Variants in RBM22 observed in about 807,000 individuals in gnomAD.
RBM22 encodes RNA binding motif protein 22, also known as pre-mRNA-splicing factor RBM22.
In RBM22, 1 loss-of-function variant was observed where a neutral mutation model predicts 50.1. That is an observed-to-expected ratio of 0.02 (90% CI 0.01 to 0.09). The LOEUF (loss-of-function observed/expected upper bound fraction) is 0.09. Among genes scored for constraint, RBM22 ranks in the 10% least tolerant of loss-of-function variants. RBM22 has a pLI of 1.00. For missense variants in RBM22, 264 were observed against 529.3 expected (o/e 0.50, Z 4.92); for synonymous variants, 152 against 179.0 (o/e 0.85, Z 1.20).
chr5:150,692,019 A>G, intron 10 of RBM22, 138 bp from the exon 11 acceptor site: 1 of 994,312 alleles, frequency 1.0e-6, no homozygotes, highest in Non-Finnish European at 1.4e-6. Context: ...TCAGTTCACA[A>G]ACTTACTTCC....
At chr5:150,700,298 A>G (rs1759329043) in intron 2 of RBM22, 146 bp downstream of exon 2, 2 of 727,122 alleles carry the variant, frequency 2.8e-6, no homozygotes, top group Non-Finnish European at 4.6e-6. Flanking sequence ...GAGAATACAC[A>G]TGACAGTTCT....
chr5:150,698,061 G>T (rs184317410), intron 4 of RBM22, among the ~76,000 whole-genome samples: 18 of 152,244 alleles, frequency 1.2e-4, no homozygotes, highest in African/African-American at 4.3e-4. Flanking sequence ...GTTCGAAGTT[G>T]CAGTGAGCTG....
At chr5:150,700,552 C>T (rs1409179738) in intron 1 of RBM22, 55 bp from the exon 2 acceptor site, 4 of 1,612,542 alleles carry the variant, frequency 2.5e-6, no homozygotes, top group Non-Finnish European at 3.4e-6. Context: ...CCTGACACCT[C>T]AGTGACACTT....
Position 150,691,207 on chromosome 5 carries a change from GGA to G in RBM22, c.*542_*543del, listed in dbSNP as rs1759203373. 6.6e-6 allele frequency: 1 copy of G among 152,408 alleles called. No homozygotes were observed. Among genetic ancestry groups the G allele is most frequent in the African/African-American group, 2.4e-5 (1 of 41,548 alleles). The allele number at this position is 152,408 out of a possible 1,614,324, so 9.4% of individuals were successfully genotyped here. On this transcript the variant is annotated 3_prime_UTR_variant, in exon 11 of 11. Coordinates refer to ENST00000199814, the MANE Select transcript of RBM22 (RefSeq NM_018047.3). The stretch of plus-strand genomic sequence containing the variant: ...TTCCTTTAGGAATAAATGAGGAAAA[GGA>G]GAGGAAAGAGAAGATCTGGGCTGTG...
intron 2 of RBM22, 80 bp from the exon 3 acceptor site, chr5:150,699,351 C>T: frequency 6.8e-7 from 1 of 1,470,364 alleles, no homozygotes; most frequent in Non-Finnish European, 9.0e-7. Flanking sequence ...TTAAACATAA[C>T]CCAAGAAATG....
chr5:150,692,481 A>G (rs1002818759), intron 10 of RBM22, among the ~76,000 whole-genome samples: 1 of 152,248 alleles, frequency 6.6e-6, no homozygotes. Flanking sequence ...GACTTTCTCA[A>G]TGAAGGAAGG....
intron 4 of RBM22, chr5:150,697,734 C>A: frequency 5.6e-6 from 2 of 357,568 alleles, no homozygotes; most frequent in East Asian, 1.0e-4. Context: ...ATATTTTTCC[C>A]TTTCCTTTAA....
In RBM22 at chr5:150,696,440, A is replaced by G. The variant is rs182891772; in HGVS notation, c.545+93T>C. 212 of 1,369,086 alleles carry G rather than the reference A, an allele frequency of 1.5e-4. No homozygotes were observed. The Admixed American group carries it at 1.6e-3, about 11-fold the overall frequency. The allele number at this position is 1,369,086 out of a possible 1,614,324, so 84.8% of individuals were successfully genotyped here. A position where few individuals can be genotyped will look rare whatever the true frequency, so the allele number is the denominator to read the frequency against. On this transcript the variant is annotated intron_variant, in intron 6 of 10. Coordinates refer to ENST00000199814, the MANE Select transcript of RBM22 (RefSeq NM_018047.3). The surrounding 1 kb of genome is among the most constrained non-coding windows in gnomAD (Gnocchi z 4.3). ...ACCACATTAGTTGTATGACCTTTAG[A>G]TTTTAAAGCAGAAACAGTTTAAGTT...
intron 4 of RBM22, among the ~76,000 whole-genome samples, chr5:150,698,107 G>C (rs991637672): frequency 6.6e-6 from 1 of 152,160 alleles, no homozygotes; most frequent in African/African-American, 2.4e-5. Context: ...GGGTGTCAGA[G>C]TGAGACCCTA....
chr5:150,693,060 G>T (rs202104499), intron 9 of RBM22, 34 bp from the exon 10 acceptor site: 2 of 1,585,348 alleles, frequency 1.3e-6, no homozygotes, highest in Non-Finnish European at 1.7e-6. Context: ...ACATAGAGGG[G>T]AGAACAATTG....
At position 150,690,926 on chromosome 5, in the gene RBM22, C is replaced by G. The variant is rs534519615; in HGVS notation, c.*825G>C. On this transcript the variant is annotated 3_prime_UTR_variant, in exon 11 of 11. Transcript: ENST00000199814. ...ATGACAATGAGACACTGAAGACACA[C>G]GAAGGTGAATGCTGAAGACCATCAG... is the stretch of plus-strand genomic sequence containing the variant. The G allele has an allele frequency of 5.9e-5, 9 of 152,432 alleles. No individual in the cohort carries two copies. Among genetic ancestry groups the G allele is most frequent in the African/African-American group, 2.2e-4 (9 of 41,562 alleles). The allele number at this position is 152,432 out of a possible 1,614,324, so 9.4% of individuals were successfully genotyped here.
chr5:150,692,108 T>C (rs1759216801), intron 10 of RBM22, among the ~76,000 whole-genome samples: 1 of 152,222 alleles, frequency 6.6e-6, no homozygotes, highest in African/African-American at 2.4e-5. Flanking sequence ...TCGCCTAGTA[T>C]GTCATCTGAG....
chr5:150,699,394 A>G (rs252161), intron 2 of RBM22, 123 bp from the exon 3 acceptor site: 331,270 of 1,333,244 alleles, frequency 0.25, 46,514 homozygotes, highest in Non-Finnish European at 0.29. Context: ...TAGAGAGAGA[A>G]AAACAGCAAC....
chr5:150,700,980 C>A lies in RBM22; in HGVS notation c.6G>T (p.Ala2=). The A allele has an allele frequency of 6.2e-7, 1 of 1,614,236 alleles. No homozygotes were observed. The stretch of plus-strand genomic sequence containing the variant: ...TGTAGGTGTTGGAACCCAGAGAGGT[C>A]GCCATCTTGAGAGCGTCCGGAGGTA... M[A]TSLGSNTYNR... Residue 2 remains alanine (A), a synonymous_variant, in exon 1 of 11, where the codon GCG becomes GCT. Coordinates refer to ENST00000199814, the MANE Select transcript of RBM22 (RefSeq NM_018047.3).
rs372086882 is a variant in RBM22, at chr5:150,695,751, GA to G, written c.546-46del. Reference sequence around the variant, plus strand: ...CAAGGCATAAAGGTGAAACGAAGGTGAAAAAATGATTATCTTCCAAGAGTAG... The same window carrying G: ...CAAGGCATAAAGGTGAAACGAAGGTGAAAAATGATTATCTTCCAAGAGTAG... On this transcript the variant is annotated intron_variant, in intron 6 of 10. Coordinates refer to ENST00000199814, the MANE Select transcript of RBM22 (RefSeq NM_018047.3). The G allele has an allele frequency of 6.6e-4, 971 of 1,476,978 alleles. 7 individuals are homozygous for G. In the African/African-American group the frequency reaches 0.012, roughly 19 times the overall value. The allele number at this position is 1,476,978 out of a possible 1,614,324, so 91.5% of individuals were successfully genotyped here. A position where few individuals can be genotyped will look rare whatever the true frequency, so the allele number is the denominator to read the frequency against.
Position 150,695,597 on chromosome 5 carries a change from T to C in RBM22, c.655A>G (p.Thr219Ala). 2 of 1,613,780 alleles carry C rather than the reference T, an allele frequency of 1.2e-6. No individual in the cohort carries two copies. Among genetic ancestry groups the C allele is most frequent in the East Asian group, 2.2e-5 (1 of 44,860 alleles). ...TCTGGTGGGTCCAGCCGAGGCATTGTTGAAGCCCGCTTTAGAAGCTTGTCA... is the reference window on the plus strand; with the variant it reads ...TCTGGTGGGTCCAGCCGAGGCATTGCTGAAGCCCGCTTTAGAAGCTTGTCA... ...VADKLLKRAS[T>A]MPRLDPPEDK... is the part of the protein sequence containing the mutation. Residue 219 changes from threonine (T) to alanine (A), a missense_variant, in exon 7 of 11, where the codon ACA becomes GCA. Physicochemically the swap from Thr to Ala is moderately conservative, Grantham distance 58 (BLOSUM62 0). This residue lies in a region of RBM22 where 62 missense variants were observed against 102.6 expected (regional missense o/e 0.60). Transcript: ENST00000199814.
rs957563627 is a variant in RBM22 at position 150,691,261 on chromosome 5, G to A, written c.*490C>T. On this transcript the variant is annotated 3_prime_UTR_variant, in exon 11 of 11. Coordinates refer to ENST00000199814, the MANE Select transcript of RBM22 (RefSeq NM_018047.3). The stretch of plus-strand genomic sequence containing the variant: ...TGGTGCTGGTTTCTACTCATCTTTC[G>A]GAGGGTGTGACTTCAAGAGTTAAAT... 1.3e-5 allele frequency: 2 copies of A among 152,298 alleles called. No individual in the cohort carries two copies. The highest frequency in any genetic ancestry group is 6.5e-5 in the Admixed American group (1 of 15,268). The allele number at this position is 152,298 out of a possible 1,614,324, so 9.4% of individuals were successfully genotyped here.
At position 150,691,644 on chromosome 5, in the gene RBM22, C is replaced by T; in HGVS notation, c.*107G>A. ...CTGACTGCTCACATCTGAGCACATTCAGCTACCATGGAAACTACAAGGGAA... is the reference window on the plus strand; with the variant it reads ...CTGACTGCTCACATCTGAGCACATTTAGCTACCATGGAAACTACAAGGGAA... On this transcript the variant is annotated 3_prime_UTR_variant, in exon 11 of 11. Transcript: ENST00000199814. 2 of 1,289,976 alleles carry T rather than the reference C, an allele frequency of 1.6e-6. No individual in the cohort carries two copies. Among genetic ancestry groups the T allele is most frequent in the Non-Finnish European group, 2.0e-6 (2 of 975,742 alleles). The allele number at this position is 1,289,976 out of a possible 1,614,324, so 79.9% of individuals were successfully genotyped here. A position where few individuals can be genotyped will look rare whatever the true frequency, so the allele number is the denominator to read the frequency against.
chr5:150,700,783 C>T (rs1262665005), intron 1 of RBM22, 149 bp downstream of exon 1: 2 of 1,563,478 alleles, frequency 1.3e-6, no homozygotes, highest in African/African-American at 1.4e-5. Context: ...AGGAGGATCG[C>T]CCTCCGCCCT....
Sources: allele counts gnomAD v4.1 joint callset (sites outside exome capture counted in the v4.1 genomes callset), GRCh38; gene constraint gnomAD v4.1.1; regional missense constraint gnomAD v4.1.1; non-coding constraint Gnocchi (gnomAD v3.1); transcripts MANE v1.5; gene names NCBI Gene and HGNC (gene_info 2026-07-23, HGNC 2026-07-21).